The following FOXJ2 variants were observed in gnomAD, a reference collection of about 807,000 sequenced individuals.
FOXJ2 encodes the protein forkhead box protein J2.
FOXJ2 carries 18 observed loss-of-function variants against 68.4 expected under a neutral mutation model. That is an observed-to-expected ratio of 0.26 (90% CI 0.18 to 0.39). FOXJ2 has a LOEUF of 0.39. FOXJ2 is among the 10% of genes least tolerant of loss of function. FOXJ2 has a pLI of 1.00. For synonymous variants in FOXJ2, 274 were observed against 263.2 expected, an observed-to-expected ratio of 1.04 and a Z score of -0.40; for missense variants, 670 against 726.5, an observed-to-expected ratio of 0.92 and a Z score of 0.89.
intron 1 of FOXJ2, among the ~76,000 whole-genome samples, chr12:8,036,658 G>A (rs1344416601): frequency 1.3e-5 from 2 of 152,126 alleles, no homozygotes; most frequent in Non-Finnish European, 2.9e-5. Context: ...CATTAGCCTC[G>A]TGCCATTATT....
In FOXJ2 at chr12:8,035,976, C is replaced by A. The variant is rs754223919; in HGVS notation, c.-15+2143C>A. 2.0e-5 allele frequency among the ~76,000 whole-genome samples: 3 copies of A among 152,334 alleles called. No individual in the cohort carries two copies. The highest frequency in any genetic ancestry group is 3.9e-4 in the East Asian group (2 of 5,192). On this transcript the variant is annotated intron_variant, in intron 1 of 10. Transcript: ENST00000162391. This position sits in a 1 kb window ranked among gnomAD's most constrained non-coding sequence, Gnocchi z 4.0. Reference sequence around the variant, plus strand: ...TGCAGTGCAGGCTTTGTAATGCAAACCACTGCAGGCTTGCTGCTTCCACTT... The same window carrying A: ...TGCAGTGCAGGCTTTGTAATGCAAAACACTGCAGGCTTGCTGCTTCCACTT...
rs1285635781 is a variant in FOXJ2, at chr12:8,043,944, C to T, written c.478-7C>T. 1.3e-6 allele frequency: 2 copies of T among 1,551,198 alleles called. No individual in the cohort carries two copies. Among genetic ancestry groups the T allele is most frequent in the Non-Finnish European group, 1.7e-6 (2 of 1,152,760 alleles). ...CTTATAGATTTCTTTTTTTTCACAACCCTCAGCTGTCCCAAGACTCACCAG... is the reference window on the plus strand; with the variant it reads ...CTTATAGATTTCTTTTTTTTCACAATCCTCAGCTGTCCCAAGACTCACCAG... On this transcript the variant is annotated splice_region_variant and splice_polypyrimidine_tract_variant and intron_variant, in intron 4 of 10. Coordinates refer to ENST00000162391, the MANE Select transcript of FOXJ2 (RefSeq NM_018416.3).
At position 8,052,881 on chromosome 12, in the gene FOXJ2, G is replaced by T; in HGVS notation, c.*31G>T. 1 of 1,567,224 alleles carries T rather than the reference G, an allele frequency of 6.4e-7. No homozygotes were observed. Among genetic ancestry groups the T allele is most frequent in the Non-Finnish European group, 8.7e-7 (1 of 1,147,986 alleles). ...CACAGAGTGTGGACATCAGCCCAGG[G>T]CCGCGTGGTGAAATCTGGCAGTGGG... On this transcript the variant is annotated 3_prime_UTR_variant, in exon 11 of 11. Coordinates refer to ENST00000162391, the MANE Select transcript of FOXJ2 (RefSeq NM_018416.3).
intron 3 of FOXJ2, among the ~76,000 whole-genome samples, 192 bp from the exon 4 acceptor site, chr12:8,043,509 T>A (rs894149280): frequency 1.8e-4 from 28 of 152,288 alleles, no homozygotes; most frequent in Middle Eastern, 3.4e-3. Context: ...GTCTGGACAT[T>A]TCCAGCTCTT....
intron 5 of FOXJ2, among the ~76,000 whole-genome samples, chr12:8,044,453 G>A (rs1947007165): frequency 6.6e-6 from 1 of 152,098 alleles, no homozygotes; most frequent in South Asian, 2.1e-4. Context: ...TGTGCCTATA[G>A]TTCCTGCTAC....
At chr12:8,042,294 A>C (rs147519446) in intron 2 of FOXJ2, among the ~76,000 whole-genome samples, 1 of 152,220 alleles carries the variant, frequency 6.6e-6, no homozygotes, top group Non-Finnish European at 1.5e-5. Context: ...GTTTTAAAAC[A>C]TTGTTCTTTT....
chr12:8,034,456 G>A (rs1946870686), intron 1 of FOXJ2, among the ~76,000 whole-genome samples: 1 of 152,168 alleles, frequency 6.6e-6, no homozygotes, highest in East Asian at 1.9e-4. Flanking sequence ...AAAATCCAAA[G>A]GGAAAATGGG....
At chr12:8,050,465 G>A in intron 9 of FOXJ2, 57 bp from the exon 10 acceptor site, 1 of 1,590,672 alleles carries the variant, frequency 6.3e-7, no homozygotes, top group South Asian at 1.1e-5. Flanking sequence ...TCCCTGCTTT[G>A]TTGAGTACAG....
Position 8,040,535 on chromosome 12 carries a change from C to T in FOXJ2, c.333+370C>T, listed in dbSNP as rs1022831243. ...CTCCCAGGTTCAAGCGATTTTCCTG[C>T]CTCAGCTTCCTGAGTAGTTGGGATT... On this transcript the variant is annotated intron_variant, in intron 2 of 10. Transcript: ENST00000162391. The surrounding 1 kb of genome is among the most constrained non-coding windows in gnomAD (Gnocchi z 4.0). Among the ~76,000 whole-genome samples the T allele has an allele frequency of 1.1e-4, 17 of 152,002 alleles. No individual in the cohort carries two copies. Among genetic ancestry groups the T allele is most frequent in the Non-Finnish European group, 2.1e-4 (14 of 68,016 alleles).
chr12:8,037,982 A>G (rs1218900347), intron 1 of FOXJ2, among the ~76,000 whole-genome samples: 1 of 152,158 alleles, frequency 6.6e-6, no homozygotes, highest in Non-Finnish European at 1.5e-5. Flanking sequence ...GAAGCTAAGG[A>G]TAAAGGGGAA....
Position 8,043,763 on chromosome 12 carries a change from T to A in FOXJ2, c.471T>A (p.Asp157Glu). The A allele has an allele frequency of 6.2e-7, 1 of 1,614,148 alleles. No homozygotes were observed. The highest frequency in any genetic ancestry group is 8.5e-7 in the Non-Finnish European group (1 of 1,180,026). ...DISRKRRHPP[D>E]DDLSQDSPEQ... is the part of the protein sequence containing the mutation. ...CCCGAAAGAGAAGACACCCTCCAGA[T>A]GATGATGTAAGTTCCCAGCTCATGA... Residue 157 changes from aspartate to glutamate, a missense_variant, in exon 4 of 11, where the codon GAT (aspartate) becomes GAA (glutamate). Asp to Glu is a conservative substitution (Grantham distance 45, BLOSUM62 2). This residue lies in a region of FOXJ2 where 555 missense variants were observed against 562.2 expected (regional missense o/e 0.99). Transcript: ENST00000162391.
chr12:8,051,033 TCCTTC>T (rs1947117728), intron 10 of FOXJ2, among the ~76,000 whole-genome samples: 1 of 112,182 alleles, frequency 8.9e-6, no homozygotes, highest in Non-Finnish European at 1.9e-5. Context: ...CCCTTCCCTT[TCCTTC>T]CCCTTCCCCT....
rs1350499553 is a variant in FOXJ2 at position 8,038,967 on chromosome 12, T to G, written c.-14-852T>G. On this transcript the variant is annotated intron_variant, in intron 1 of 10. Transcript: ENST00000162391. The surrounding 1 kb of genome is among the most constrained non-coding windows in gnomAD (Gnocchi z 5.3). ...GTAGGCACACAGCTGGGTGTCTCCC[T>G]GGCTCGGTGAAGCCCAGCAGGCTGA... Among the ~76,000 whole-genome samples the G allele has an allele frequency of 6.6e-6, 1 of 152,058 alleles. No individual in the cohort carries two copies. Among genetic ancestry groups the G allele is most frequent in the African/African-American group, 2.4e-5 (1 of 41,386 alleles).
intron 6 of FOXJ2, 52 bp downstream of exon 6, chr12:8,045,010 A>G: frequency 6.6e-7 from 1 of 1,505,718 alleles, no homozygotes; most frequent in Non-Finnish European, 9.1e-7. Flanking sequence ...CTTGTTGAAC[A>G]AGTGGGGTGA....
chr12:8,042,702 G>A lies in FOXJ2; in HGVS notation c.378G>A (p.Lys126=), dbSNP rs749830630. 1 of 1,614,182 alleles carries A rather than the reference G, an allele frequency of 6.2e-7. No homozygotes were observed. The highest frequency in any genetic ancestry group is 8.5e-7 in the Non-Finnish European group (1 of 1,180,044). Residue 126 remains lysine (K), a synonymous_variant, in exon 3 of 11, where the codon AAG becomes AAA. Coordinates refer to ENST00000162391, the MANE Select transcript of FOXJ2 (RefSeq NM_018416.3). The stretch of plus-strand genomic sequence containing the variant: ...TTTCTCTCAACAAGTGTTTCCGGAA[G>A]GTGCCCAGACCTCGGGATGACCCTG... ...HNLSLNKCFR[K]VPRPRDDPGK...
chr12:8,033,148 G>C lies in FOXJ2; in HGVS notation c.-700G>C, dbSNP rs759664419. 5.2e-5 allele frequency: 18 copies of C among 342,912 alleles called. No homozygotes were observed. Among genetic ancestry groups the C allele is most frequent in the African/African-American group, 3.4e-4 (16 of 47,374 alleles). 21.2% of individuals were successfully genotyped at this position (342,912 alleles called of 1,614,324 possible). On this transcript the variant is annotated 5_prime_UTR_variant, in exon 1 of 11. Coordinates refer to ENST00000162391, the MANE Select transcript of FOXJ2 (RefSeq NM_018416.3). ...AGACCCCTGTACTGGCCGGGGAGGA[G>C]ACCCCCAGAAGTGGAAAGAAGGGAG...
rs763078744 is a variant in FOXJ2, at chr12:8,050,495, C to A, written c.1538-27C>A. The stretch of plus-strand genomic sequence containing the variant: ...GTACAGTGACCCGCCCCCCCCAACT[C>A]AAGTAACTCTTGTCTTGCTTTGGCA... On this transcript the variant is annotated intron_variant, in intron 9 of 10. Transcript: ENST00000162391. The A allele has an allele frequency of 9.6e-5, 154 of 1,604,194 alleles. No individual in the cohort carries two copies. The Admixed American group carries it at 2.7e-3, about 28-fold the overall frequency.
At chr12:8,046,948 A>G (rs1947045296) in intron 6 of FOXJ2, among the ~76,000 whole-genome samples, 1 of 152,196 alleles carries the variant, frequency 6.6e-6, no homozygotes, top group Non-Finnish European at 1.5e-5. Flanking sequence ...AGGGAACATG[A>G]GAAACTGTCA....
At chr12:8,051,133 C>CCTTTT (rs1008146029) in intron 10 of FOXJ2, among the ~76,000 whole-genome samples, 1 of 148,622 alleles carries the variant, frequency 6.7e-6, no homozygotes, top group Admixed American at 6.8e-5. Flanking sequence ...TTTCCCTTCC[C>CCTTTT]CTTTTCTTTT....
Sources: gnomAD v4.1 joint callset for allele counts (sites outside exome capture counted in the v4.1 genomes callset) on GRCh38, gnomAD v4.1.1 for gene constraint, gnomAD v4.1.1 regional missense constraint, Gnocchi (gnomAD v3.1) non-coding constraint, MANE v1.5 for transcripts, NCBI Gene and HGNC (gene_info 2026-07-23, HGNC 2026-07-21) for gene names.